Variants in SGK3 observed in about 807,000 individuals in gnomAD.
The protein encoded by SGK3 is serine/threonine-protein kinase Sgk3.
Under a neutral mutation model 68.5 loss-of-function variants are expected in SGK3, and 47 were observed. That is an observed-to-expected ratio of 0.69 (90% CI 0.54 to 0.87). The LOEUF (loss-of-function observed/expected upper bound fraction) is 0.87, where lower values mean the gene tolerates loss of function less well. Ranked by LOEUF, SGK3 falls within the 40% of genes least tolerant of loss-of-function variation. The pLI is 0.00. For synonymous variants in SGK3, 181 were observed against 189.1 expected (o/e 0.96, Z 0.35); for missense variants, 479 against 575.5 (o/e 0.83, Z 1.72).
intron 14 of SGK3, among the ~76,000 whole-genome samples, chr8:66,845,321 C>G (rs1809961813): frequency 6.6e-6 from 1 of 152,068 alleles, no homozygotes; most frequent in Non-Finnish European, 1.5e-5. Flanking sequence ...ATCACTTGAA[C>G]CTGGGAGGCG....
intron 10 of SGK3, among the ~76,000 whole-genome samples, chr8:66,839,063 A>C (rs1809660234): frequency 6.6e-6 from 1 of 152,124 alleles, no homozygotes; most frequent in South Asian, 2.1e-4. Flanking sequence ...GAATGGATAA[A>C]GTTACCTGGG....
intron 16 of SGK3, among the ~76,000 whole-genome samples, chr8:66,856,626 T>G (rs922247202): frequency 1.3e-5 from 2 of 152,182 alleles, no homozygotes; most frequent in Non-Finnish European, 2.9e-5. Flanking sequence ...TTCCTGTCAG[T>G]ACCAGCCATG....
At chr8:66,716,491 C>T (rs1029333539) in intron 1 of SGK3, among the ~76,000 whole-genome samples, 1 of 145,132 alleles carries the variant, frequency 6.9e-6, no homozygotes, top group Non-Finnish European at 1.5e-5. Flanking sequence ...GTCCTGAAAA[C>T]CTGCCTAAGT....
At chr8:66,814,717 C>T (rs1320645991) in intron 5 of SGK3, among the ~76,000 whole-genome samples, 1 of 152,162 alleles carries the variant, frequency 6.6e-6, no homozygotes, top group Admixed American at 6.5e-5. Context: ...CTTTCCCAGC[C>T]CTGTGGGTGT....
chr8:66,791,537 T>A (rs1420193029), intron 1 of SGK3, among the ~76,000 whole-genome samples: 1 of 152,210 alleles, frequency 6.6e-6, no homozygotes, highest in Non-Finnish European at 1.5e-5. Context: ...CTGCCTACCA[T>A]CTCTTTCCTT....
At chr8:66,849,437 T>C (rs1472021152) in intron 15 of SGK3, among the ~76,000 whole-genome samples, 1 of 152,156 alleles carries the variant, frequency 6.6e-6, no homozygotes, top group East Asian at 1.9e-4. Flanking sequence ...TGCCTGAATC[T>C]TTCCCATATC....
chr8:66,850,807 A>T (rs1016724866), intron 15 of SGK3, 24 bp from the exon 16 acceptor site: 2 of 1,575,216 alleles, frequency 1.3e-6, no homozygotes, highest in African/African-American at 2.7e-5. Flanking sequence ...GCATTAGTAA[A>T]ACAAATTTTT....
At chr8:66,822,027 T>A (rs919856193) in intron 5 of SGK3, among the ~76,000 whole-genome samples, 1 of 151,538 alleles carries the variant, frequency 6.6e-6, no homozygotes, top group Non-Finnish European at 1.5e-5. Flanking sequence ...TCTGTCTTTC[T>A]AACTTTTGCC....
chr8:66,816,147 G>A (rs1009198816), intron 5 of SGK3, among the ~76,000 whole-genome samples: 1 of 151,758 alleles, frequency 6.6e-6, no homozygotes, highest in South Asian at 2.1e-4. Flanking sequence ...CTACAGGGGC[G>A]CACCACCACG....
intron 1 of SGK3, among the ~76,000 whole-genome samples, chr8:66,753,782 G>T (rs1418841658): frequency 1.3e-5 from 2 of 152,096 alleles, no homozygotes; most frequent in Non-Finnish European, 2.9e-5. Context: ...TCGTGCCATT[G>T]CACTCCAGCT....
intron 1 of SGK3, among the ~76,000 whole-genome samples, chr8:66,735,155 A>G (rs1250252951): frequency 1.3e-5 from 2 of 152,168 alleles, no homozygotes; most frequent in East Asian, 1.9e-4. Flanking sequence ...GTTTGGTACT[A>G]TCTGTGGTTT....
intron 10 of SGK3, 55 bp downstream of exon 10, chr8:66,836,129 T>G: frequency 6.4e-7 from 1 of 1,560,572 alleles, no homozygotes; most frequent in Non-Finnish European, 8.6e-7. Flanking sequence ...TAGCATAAAG[T>G]CAAAGTTTTT....
chr8:66,745,599 A>ACAAC (rs1554593989), intron 1 of SGK3, among the ~76,000 whole-genome samples: 72 of 151,752 alleles, frequency 4.7e-4, no homozygotes, highest in African/African-American at 1.3e-3. Context: ...CAAAACAAAA[A>ACAAC]AACAACAAAA....
intron 6 of SGK3, among the ~76,000 whole-genome samples, chr8:66,824,194 G>T (rs1808962840): frequency 1.3e-5 from 2 of 151,906 alleles, no homozygotes; most frequent in Non-Finnish European, 2.9e-5. Context: ...AATGTAAAAA[G>T]CTTTAAAAAA....
intron 4 of SGK3, among the ~76,000 whole-genome samples, chr8:66,810,282 A>G (rs1163316197): frequency 6.6e-6 from 1 of 152,230 alleles, no homozygotes; most frequent in Non-Finnish European, 1.5e-5. Flanking sequence ...CCAGAAAAAA[A>G]AAAAATAAAA....
Position 66,751,027 on chromosome 8 carries a change from C to T in SGK3, c.-122+38194C>T, listed in dbSNP as rs370756260. On this transcript the variant is annotated intron_variant, in intron 1 of 16. Coordinates refer to ENST00000521198, the MANE Select transcript of SGK3 (RefSeq NM_001033578.3). ...GTCTCAAAAAAAAAAAGGCCAGGCG[C>T]GGTGGCTTACGCCTGTAATCCCAGC... Among the ~76,000 whole-genome samples, 78 of 149,552 alleles carry T rather than the reference C, an allele frequency of 5.2e-4. 1 individual carries two copies. Among genetic ancestry groups the T allele is most frequent in the African/African-American group, 1.7e-3 (70 of 40,722 alleles).
chr8:66,784,826 C>A (rs913162987), intron 1 of SGK3, among the ~76,000 whole-genome samples: 3 of 151,982 alleles, frequency 2.0e-5, no homozygotes, highest in African/African-American at 4.8e-5. Flanking sequence ...TTTTTACAGA[C>A]CCCAAACAAA....
chr8:66,746,970 T>A (rs1269805009), intron 1 of SGK3, among the ~76,000 whole-genome samples: 1 of 151,878 alleles, frequency 6.6e-6, no homozygotes, highest in Non-Finnish European at 1.5e-5. Flanking sequence ...GAAATCCTGA[T>A]GGAAGTATTC....
chr8:66,723,123 ATATATATAT>A (rs1804864358), intron 1 of SGK3, among the ~76,000 whole-genome samples: 3 of 51,438 alleles, frequency 5.8e-5, no homozygotes, highest in Non-Finnish European at 1.1e-4. Context: ...ATATATATAT[ATATATATAT>A]TTTTTTTTTT....
Sources: allele counts gnomAD v4.1 joint callset (sites outside exome capture counted in the v4.1 genomes callset), GRCh38; gene constraint gnomAD v4.1.1; transcripts MANE v1.5; gene names NCBI Gene and HGNC (gene_info 2026-07-23, HGNC 2026-07-21).